FHL1: variants seen among roughly 807,000 people sequenced by gnomAD.
FHL1 encodes the protein four and a half LIM domains protein 1.
In FHL1, 1 loss-of-function variant was observed where a neutral mutation model predicts 20.3. The observed-to-expected ratio is 0.05, with a 90% CI of 0.02 to 0.23. FHL1 has a LOEUF of 0.23. Ranked by LOEUF, FHL1 falls within the 10% of genes least tolerant of loss-of-function variation. The pLI, the probability that FHL1 is intolerant of heterozygous loss-of-function variation, is 1.00. For missense variants in FHL1, 177 were observed against 234.0 expected, an observed-to-expected ratio of 0.76 and a Z score of 1.59; for synonymous variants, 82 against 88.9, an observed-to-expected ratio of 0.92 and a Z score of 0.44.
At chrX:136,206,612 A>G (rs2073848122) in intron 2 of FHL1, 24 bp downstream of exon 2, 8 of 1,210,751 alleles carry the variant, frequency 6.6e-6, no homozygotes, top group African/African-American at 1.7e-5. Context: ...CCATGTGCCA[A>G]TGGGAAGGGC....
intron 2 of FHL1, chrX:136,170,038 G>A (rs1370894951): frequency 6.3e-6 from 2 of 317,778 alleles, no homozygotes; most frequent in Non-Finnish European, 1.2e-5. Context: ...CTAAGTTGTG[G>A]TATTAGGGGC....
chrX:136,178,233 T>TA (rs2073056099), intron 2 of FHL1, among the ~76,000 whole-genome samples: 1 of 112,064 alleles, frequency 8.9e-6, no homozygotes, highest in South Asian at 3.7e-4. Context: ...TAATAATTGT[T>TA]ATAATTTATG....
At chrX:136,177,359 C>T (rs1329646294) in intron 2 of FHL1, among the ~76,000 whole-genome samples, 1 of 111,504 alleles carries the variant, frequency 9.0e-6, no homozygotes, top group African/African-American at 3.3e-5. Context: ...AAGTTCAAAT[C>T]TAGTGTTCCA....
At chrX:136,183,425 C>A (rs2073213351) in intron 2 of FHL1, among the ~76,000 whole-genome samples, 1 of 111,311 alleles carries the variant, frequency 9.0e-6, no homozygotes, top group Admixed American at 9.6e-5. Flanking sequence ...TGGAAAGTGA[C>A]TGACTTGTCC....
intron 2 of FHL1, among the ~76,000 whole-genome samples, chrX:136,190,380 A>G (rs143219928): frequency 1.3e-3 from 150 of 112,084 alleles, no homozygotes; most frequent in African/African-American, 4.6e-3. Context: ...AACCTAGTCC[A>G]TATCTCTCTC....
At chrX:136,207,230 C>T (rs2148373988) in intron 3 of FHL1, 40 bp downstream of exon 3, 2 of 1,165,469 alleles carry the variant, frequency 1.7e-6, no homozygotes, top group African/African-American at 1.8e-5. Flanking sequence ...AGGGAGGAGG[C>T]CCTGAGGGCA....
chrX:136,186,840 C>T (rs1206812481), intron 2 of FHL1, among the ~76,000 whole-genome samples: 3 of 84,352 alleles, frequency 3.6e-5, no homozygotes, highest in African/African-American at 9.0e-5. Context: ...GGCGACAGAG[C>T]GAGACTCCAT....
intron 2 of FHL1, among the ~76,000 whole-genome samples, chrX:136,189,648 A>G (rs763213255): frequency 8.9e-6 from 1 of 111,894 alleles, no homozygotes; most frequent in African/African-American, 3.2e-5. Flanking sequence ...ATTTCTCACA[A>G]TGACCCTTTT....
intron 1 of FHL1, among the ~76,000 whole-genome samples, chrX:136,203,187 A>T (rs905220511): frequency 8.9e-6 from 1 of 112,739 alleles, no homozygotes; most frequent in African/African-American, 3.2e-5. Flanking sequence ...TTATGCAACA[A>T]ATCCAACATT....
chrX:136,197,665 T>C (rs967623244), intron 1 of FHL1, among the ~76,000 whole-genome samples: 4 of 112,918 alleles, frequency 3.5e-5, no homozygotes, highest in African/African-American at 1.3e-4. Context: ...GCTAAGTATG[T>C]TATTAATTGT....
At chrX:136,175,709 T>C (rs1461556983) in intron 2 of FHL1, among the ~76,000 whole-genome samples, 1 of 112,340 alleles carries the variant, frequency 8.9e-6, no homozygotes, top group African/African-American at 3.2e-5. Context: ...ATTTGTATAA[T>C]ACAGTCTTAC....
intron 2 of FHL1, among the ~76,000 whole-genome samples, chrX:136,185,674 C>T (rs1035942369): frequency 6.3e-5 from 7 of 111,788 alleles, no homozygotes; most frequent in Non-Finnish European, 9.4e-5. Context: ...AACAAGTGCC[C>T]GTTTCAGAAA....
At chrX:136,166,680 T>G (rs1376090213), upstream of FHL1, among the ~76,000 whole-genome samples, 1 of 111,246 alleles carries the variant, frequency 9.0e-6, no homozygotes, top group Non-Finnish European at 1.9e-5. Context: ...GAAGGGTGAG[T>G]AAGATGAAAT....
intron 1 of FHL1, among the ~76,000 whole-genome samples, chrX:136,155,877 A>G (rs771660101): frequency 9.2e-6 from 1 of 109,082 alleles, no homozygotes; most frequent in Non-Finnish European, 1.9e-5. Flanking sequence ...TGTAGAATTG[A>G]TATTCTATTT....
intron 2 of FHL1, among the ~76,000 whole-genome samples, chrX:136,173,967 G>C (rs2072938793): frequency 8.9e-6 from 1 of 111,778 alleles, no homozygotes; most frequent in Non-Finnish European, 1.9e-5. Flanking sequence ...CAAAGTGCTA[G>C]GATTACAGGC....
chrX:136,146,789 C>G (rs942784961), upstream of FHL1: 2 of 328,173 alleles, frequency 6.1e-6, no homozygotes, highest in African/African-American at 5.3e-5. Context: ...GTGAATGAGA[C>G]GCCACGCGCC....
At chrX:136,185,828 T>C (rs2073273517) in intron 2 of FHL1, among the ~76,000 whole-genome samples, 1 of 111,898 alleles carries the variant, frequency 8.9e-6, no homozygotes, top group Non-Finnish European at 1.9e-5. Flanking sequence ...GGTGTTTTGT[T>C]TTCCCAGAAT....
At position 136,211,170 on chromosome X, in the gene FHL1, T is replaced by C. The variant is rs1437548011; in HGVS notation, c.*1145T>C. 8.1e-6 allele frequency: 3 copies of C among 369,158 alleles called. No homozygotes were observed. Among genetic ancestry groups the C allele is most frequent in the Non-Finnish European group, 1.5e-5 (3 of 193,983 alleles). 30.4% of individuals were successfully genotyped at this position (369,158 alleles called of 1,213,427 possible). On this transcript the variant is annotated 3_prime_UTR_variant, in exon 6 of 6. Coordinates refer to ENST00000370683, the MANE Select transcript of FHL1 (RefSeq NM_001159699.2). ...ATGCAGGATCACCTACTTACTGTAT[T>C]CTACATTATTATATGACATAGTATA...
chrX:136,194,583 C>T (rs1028952429), upstream of FHL1, among the ~76,000 whole-genome samples: 6 of 111,703 alleles, frequency 5.4e-5, no homozygotes, highest in African/African-American at 2.0e-4. Flanking sequence ...AAGAGAGTTG[C>T]TCCCAAACAC....
Sources: allele counts gnomAD v4.1 joint callset (sites outside exome capture counted in the v4.1 genomes callset), GRCh38; gene constraint gnomAD v4.1.1; transcripts MANE v1.5; gene names NCBI Gene and HGNC (gene_info 2026-07-23, HGNC 2026-07-21).